The following DPP6 variants were observed in gnomAD, a reference collection of about 807,000 sequenced individuals.
The protein encoded by DPP6 is A-type potassium channel modulatory protein DPP6.
DPP6 carries 69 observed loss-of-function variants against 122.6 expected under a neutral mutation model. The ratio of observed to expected loss-of-function variants is 0.56; its 90% CI spans 0.46 to 0.69. The LOEUF is 0.69. Ranked by LOEUF, DPP6 falls within the 30% of genes least tolerant of loss-of-function variation. The pLI is 0.00. For synonymous variants in DPP6, 418 were observed against 433.1 expected, an observed-to-expected ratio of 0.97 and a Z score of 0.43; for missense variants, 928 against 1,116.9, an observed-to-expected ratio of 0.83 and a Z score of 2.41.
intron 6 of DPP6, among the ~76,000 whole-genome samples, chr7:154,664,270 G>C (rs550021509): frequency 4.2e-4 from 64 of 152,334 alleles, no homozygotes; most frequent in African/African-American, 1.5e-3. Flanking sequence ...ATGGCGTATT[G>C]GCCCTAGTGT....
At chr7:154,733,954 G>C (rs947301515) in intron 8 of DPP6, among the ~76,000 whole-genome samples, 1 of 152,202 alleles carries the variant, frequency 6.6e-6, no homozygotes, top group Non-Finnish European at 1.5e-5. Context: ...CTTGTGTCAC[G>C]CTGATACCCA....
At chr7:153,755,487 A>G in the DPP6 span, among the ~76,000 whole-genome samples, 1 of 148,114 alleles carries the variant, frequency 6.8e-6, no homozygotes, top group Admixed American at 6.8e-5. Flanking sequence ...GAAAAATCTG[A>G]AGGTTTTCAT....
chr7:154,672,847 A>G (rs564356774), intron 7 of DPP6, among the ~76,000 whole-genome samples: 2 of 152,354 alleles, frequency 1.3e-5, no homozygotes, highest in African/African-American at 4.8e-5. Context: ...AGTTTCTAGC[A>G]CAATGACTCA....
chr7:154,154,035 C>A (rs1796560385), intron 1 of DPP6, among the ~76,000 whole-genome samples: 1 of 152,192 alleles, frequency 6.6e-6, no homozygotes, highest in Admixed American at 6.5e-5. Context: ...ATAATTGTTC[C>A]TTCAATTCCC....
In DPP6 at chr7:154,772,899, A is replaced by C; in HGVS notation, c.1093A>C (p.Thr365Pro). Residue 365 changes from threonine to proline, a missense_variant, in exon 10 of 26, where the codon ACC becomes CCC. Transcript: ENST00000377770. ...SLHVIGLNGP[T>P]HDLEMMPPDD... ...ACACGTTATTGGCTTAAATGGACCC[A>C]CCCATGATCTGGAGATGATGCCGCC... 6.2e-7 allele frequency: 1 copy of C among 1,610,892 alleles called. No individual in the cohort carries two copies. The highest frequency in any genetic ancestry group is 1.1e-5 in the South Asian group (1 of 90,634).
chr7:153,834,959 T>C, the DPP6 span, among the ~76,000 whole-genome samples: 1 of 152,166 alleles, frequency 6.6e-6, no homozygotes, highest in Non-Finnish European at 1.5e-5. Context: ...AGGCTCCTCT[T>C]GAGGAATGGT....
At chr7:153,991,194 G>C (rs567217135) in intron 1 of DPP6, among the ~76,000 whole-genome samples, 1 of 152,198 alleles carries the variant, frequency 6.6e-6, no homozygotes, top group African/African-American at 2.4e-5. Context: ...TTTGGAAGCA[G>C]ATAGCTCATA....
chr7:154,835,789 T>C (rs1801001435), intron 16 of DPP6, among the ~76,000 whole-genome samples: 1 of 152,224 alleles, frequency 6.6e-6, no homozygotes, highest in Admixed American at 6.5e-5. Flanking sequence ...TTTCATTTTC[T>C]GAAATCAGAA....
intron 1 of DPP6, among the ~76,000 whole-genome samples, chr7:154,278,986 T>C (rs1228839980): frequency 6.6e-6 from 1 of 152,118 alleles, no homozygotes; most frequent in Non-Finnish European, 1.5e-5. Context: ...TATGTGTGTG[T>C]GCAGTTGATG....
chr7:154,646,993 G>T (rs944885953), intron 6 of DPP6, among the ~76,000 whole-genome samples: 1 of 152,148 alleles, frequency 6.6e-6, no homozygotes, highest in Non-Finnish European at 1.5e-5. Context: ...AAGTCTCTTT[G>T]AAAATGAGGT....
intron 10 of DPP6, 57 bp downstream of exon 10, chr7:154,772,999 A>G (rs1796339614): frequency 4.7e-6 from 7 of 1,491,404 alleles, no homozygotes; most frequent in Non-Finnish European, 6.2e-6. Flanking sequence ...TGAATGTTCA[A>G]TGTGCATGGT....
rs1035010468 is a variant in DPP6 at position 154,755,783 on chromosome 7, C to T, written c.884-13634C>T. Among the ~76,000 whole-genome samples, 5 of 152,304 alleles carry T rather than the reference C, an allele frequency of 3.3e-5. No individual in the cohort carries two copies. Among genetic ancestry groups the T allele is most frequent in the African/African-American group, 7.2e-5 (3 of 41,576 alleles). On this transcript the variant is annotated intron_variant, in intron 8 of 25. Coordinates refer to ENST00000377770, the MANE Select transcript of DPP6 (RefSeq NM_130797.4). The surrounding 1 kb of genome is among the most constrained non-coding windows in gnomAD (Gnocchi z 4.7). ...AAGAAGGAAAAGGTCAGGATGTTGC[C>T]GAGCCCTTGGGTTGGAAGAGGTCGG...
chr7:153,897,414 A>T lies in DPP6; in HGVS notation c.51+9680A>T, dbSNP rs1799458836. Among the ~76,000 whole-genome samples, 4 of 152,330 alleles carry T rather than the reference A, an allele frequency of 2.6e-5. No individual in the cohort carries two copies. The South Asian group carries it at 8.3e-4, about 32-fold the overall frequency. On this transcript the variant is annotated intron_variant, in intron 1 of 25. Coordinates refer to the DPP6 transcript ENST00000404039. ...AGCCTCTGCTGGAACACATCCAAGG[A>T]CTGGAAACTTGTGCCATTGTTGACA...
At chr7:154,422,256 A>AGAGG (rs889051532) in intron 1 of DPP6, among the ~76,000 whole-genome samples, 16 of 152,214 alleles carry the variant, frequency 1.1e-4, no homozygotes, top group African/African-American at 3.9e-4. Flanking sequence ...GCTGGTCTGC[A>AGAGG]GAGGTCACTC....
intron 1 of DPP6, among the ~76,000 whole-genome samples, chr7:154,063,730 C>T (rs948024374): frequency 2.0e-5 from 3 of 148,726 alleles, no homozygotes; most frequent in East Asian, 2.0e-4. Context: ...GCCCCTCTTC[C>T]CCCCCGGCTT....
At chr7:154,768,780 A>G (rs1410693433) in intron 8 of DPP6, among the ~76,000 whole-genome samples, 1 of 152,232 alleles carries the variant, frequency 6.6e-6, no homozygotes, top group Admixed American at 6.5e-5. Flanking sequence ...AGTCCTTCTG[A>G]AGATGGATCC....
chr7:153,979,002 C>T (rs1796445456), intron 1 of DPP6, among the ~76,000 whole-genome samples: 1 of 152,010 alleles, frequency 6.6e-6, no homozygotes, highest in African/African-American at 2.4e-5. Context: ...ATTCTTTTTG[C>T]TTAGGATTGT....
the DPP6 span, among the ~76,000 whole-genome samples, chr7:153,757,994 G>A: frequency 1.3e-5 from 2 of 152,128 alleles, no homozygotes; most frequent in East Asian, 1.9e-4. Context: ...ACCATAGGCA[G>A]AGTGTTTGCT....
At chr7:153,867,921 G>T in the DPP6 span, among the ~76,000 whole-genome samples, 7 of 152,138 alleles carry the variant, frequency 4.6e-5, no homozygotes, top group East Asian at 1.3e-3. Flanking sequence ...TGTGGTTTTT[G>T]TCTTTGGTTC....
Sources: gnomAD v4.1 joint callset for allele counts (sites outside exome capture counted in the v4.1 genomes callset) on GRCh38, gnomAD v4.1.1 for gene constraint, Gnocchi (gnomAD v3.1) non-coding constraint, MANE v1.5 for transcripts, NCBI Gene and HGNC (gene_info 2026-07-23, HGNC 2026-07-21) for gene names.